SMIM14: variants seen among roughly 807,000 people sequenced by gnomAD.
The protein encoded by SMIM14 is small integral membrane protein 14.
SMIM14 carries 5 observed loss-of-function variants against 12.6 expected under a neutral mutation model. That is an observed-to-expected ratio of 0.40 (90% CI 0.21 to 0.83). The LOEUF is 0.83. Among genes scored for constraint, SMIM14 ranks in the 40% least tolerant of loss-of-function variants. The pLI is 0.37. For synonymous variants in SMIM14, 30 were observed against 40.1 expected (o/e 0.75, Z 0.95); for missense variants, 86 against 119.1 (o/e 0.72, Z 1.29).
At chr4:39,611,027 C>T (rs923613175) in intron 1 of SMIM14, among the ~76,000 whole-genome samples, 21 of 152,080 alleles carry the variant, frequency 1.4e-4, no homozygotes, top group Non-Finnish European at 2.6e-4. Context: ...ACTTGAAAAA[C>T]CATGTGCAAT....
At chr4:39,616,686 T>A (rs994332017) in intron 1 of SMIM14, among the ~76,000 whole-genome samples, 3 of 149,692 alleles carry the variant, frequency 2.0e-5, no homozygotes, top group African/African-American at 7.3e-5. Flanking sequence ...AAAAGCAGGA[T>A]TCTAAGGACC....
chr4:39,572,004 G>A (rs781244234), intron 3 of SMIM14, among the ~76,000 whole-genome samples: 2 of 151,724 alleles, frequency 1.3e-5, no homozygotes, highest in Non-Finnish European at 2.9e-5. Context: ...GGGTTTCCCC[G>A]TGTTGCCCAG....
intron 2 of SMIM14, among the ~76,000 whole-genome samples, chr4:39,599,030 A>C (rs1714490897): frequency 6.6e-6 from 1 of 152,192 alleles, no homozygotes; most frequent in Non-Finnish European, 1.5e-5. Flanking sequence ...TCGGTGAAAA[A>C]TAGCTCATCC....
rs1054905933 is a variant in SMIM14 at position 39,638,822 on chromosome 4, G to A, written c.-119C>T. The A allele has an allele frequency of 1.0e-6, 1 of 985,848 alleles. No homozygotes were observed. Among genetic ancestry groups the A allele is most frequent in the Non-Finnish European group, 1.2e-6 (1 of 830,356 alleles). The allele number at this position is 985,848 out of a possible 1,614,324, so 61.1% of individuals were successfully genotyped here. A position where few individuals can be genotyped will look rare whatever the true frequency, so the allele number is the denominator to read the frequency against. Reference sequence around the variant, plus strand: ...GAAAGACCGCCTGGAGCTTCCAGAAGGCTGCGGCTGCTCCGGACGCTGCTG... The same window carrying A: ...GAAAGACCGCCTGGAGCTTCCAGAAAGCTGCGGCTGCTCCGGACGCTGCTG... On this transcript the variant is annotated 5_prime_UTR_variant, in exon 1 of 5. Transcript: ENST00000295958.
At chr4:39,610,715 G>A (rs557028703) in intron 1 of SMIM14, among the ~76,000 whole-genome samples, 10 of 150,734 alleles carry the variant, frequency 6.6e-5, no homozygotes, top group African/African-American at 9.7e-5. Context: ...AAAAAAAACT[G>A]AAAGAACATA....
rs904662705 is a variant in SMIM14 at position 39,573,646 on chromosome 4, G to T, written c.76-1183C>A. On this transcript the variant is annotated intron_variant, in intron 2 of 4. Transcript: ENST00000295958. ...AGTGCTAAACTGTAGAGAACTAGAA[G>T]AGTAAACCTTTGTTAAAGAGATTTT... is the stretch of plus-strand genomic sequence containing the variant. 3.3e-5 allele frequency among the ~76,000 whole-genome samples: 5 copies of T among 152,052 alleles called. No homozygotes were observed. The East Asian group carries it at 9.6e-4, about 29-fold the overall frequency.
chr4:39,588,304 G>A (rs1713889464), intron 2 of SMIM14, among the ~76,000 whole-genome samples: 1 of 152,204 alleles, frequency 6.6e-6, no homozygotes, highest in South Asian at 2.1e-4. Context: ...CACTTTGGGA[G>A]GTCAAGAAGG....
chr4:39,578,642 C>T (rs1403158637), intron 2 of SMIM14, among the ~76,000 whole-genome samples: 2 of 152,064 alleles, frequency 1.3e-5, no homozygotes, highest in Non-Finnish European at 2.9e-5. Flanking sequence ...AAGTAGAGTT[C>T]GATCTCCCCA....
At chr4:39,626,940 C>A (rs979482733) in intron 1 of SMIM14, among the ~76,000 whole-genome samples, 5 of 152,144 alleles carry the variant, frequency 3.3e-5, no homozygotes, top group African/African-American at 1.2e-4. Context: ...GTGCCTTAGT[C>A]TATTGGGATG....
intron 2 of SMIM14, among the ~76,000 whole-genome samples, chr4:39,592,174 T>C (rs1714137985): frequency 6.6e-6 from 1 of 151,688 alleles, no homozygotes; most frequent in African/African-American, 2.4e-5. Context: ...GCCTAGATGA[T>C]ACAATGAGAC....
chr4:39,579,410 CA>C (rs11300565), intron 2 of SMIM14, among the ~76,000 whole-genome samples: 65,171 of 101,978 alleles, frequency 0.64, 17,118 homozygotes, highest in Middle Eastern at 0.78. Flanking sequence ...ACAGTGCCTC[CA>C]AAAAAAAAAA....
chr4:39,609,808 T>C (rs956418), intron 1 of SMIM14, among the ~76,000 whole-genome samples: 2,780 of 152,240 alleles, frequency 0.018, 104 homozygotes, highest in African/African-American at 0.062. Flanking sequence ...CCACAGTAGG[T>C]AGAGGGAACC....
intron 2 of SMIM14, among the ~76,000 whole-genome samples, chr4:39,590,731 G>A (rs1052893047): frequency 9.9e-5 from 15 of 151,774 alleles, no homozygotes; most frequent in African/African-American, 3.6e-4. Context: ...GAACCCAGGA[G>A]GCGTAGGTTG....
rs1285580495 is a variant in SMIM14, at chr4:39,547,211, G to T, written c.*4915C>A. 6.6e-6 allele frequency: 1 copy of T among 152,138 alleles called. No individual in the cohort carries two copies. Among genetic ancestry groups the T allele is most frequent in the East Asian group, 1.9e-4 (1 of 5,202 alleles). The allele number at this position is 152,138 out of a possible 1,614,324, so 9.4% of individuals were successfully genotyped here. On this transcript the variant is annotated 3_prime_UTR_variant, in exon 5 of 5. Coordinates refer to ENST00000295958, the MANE Select transcript of SMIM14 (RefSeq NM_174921.3). ...AATGTCTTTAGTTAGGTCTTACAAAGAAACTGTTTAATACACAATGTTAAC... is the reference window on the plus strand; with the variant it reads ...AATGTCTTTAGTTAGGTCTTACAAATAAACTGTTTAATACACAATGTTAAC...
chr4:39,590,190 G>A (rs891273549), intron 2 of SMIM14, among the ~76,000 whole-genome samples: 2 of 151,964 alleles, frequency 1.3e-5, no homozygotes, highest in Non-Finnish European at 2.9e-5. Context: ...AAGGCAGGTG[G>A]ATCACCTGAG....
At chr4:39,624,901 T>C (rs1008157530) in intron 1 of SMIM14, among the ~76,000 whole-genome samples, 7 of 150,184 alleles carry the variant, frequency 4.7e-5, no homozygotes, top group Non-Finnish European at 8.9e-5. Context: ...TGATGGGAAG[T>C]AGGCAAGAAA....
chr4:39,574,309 A>G (rs990614215), intron 2 of SMIM14, among the ~76,000 whole-genome samples: 4 of 145,420 alleles, frequency 2.8e-5, no homozygotes, highest in East Asian at 4.2e-4. Flanking sequence ...GCTGGAGTGC[A>G]GTGGCGCAAT....
chr4:39,575,791 T>G (rs1377738752), intron 2 of SMIM14, among the ~76,000 whole-genome samples: 4 of 145,928 alleles, frequency 2.7e-5, no homozygotes, highest in Admixed American at 2.7e-4. Flanking sequence ...GATGGGGTTT[T>G]GCTATGTTAC....
At chr4:39,628,002 G>C (rs1051396755) in intron 1 of SMIM14, among the ~76,000 whole-genome samples, 8 of 152,156 alleles carry the variant, frequency 5.3e-5, no homozygotes, top group Non-Finnish European at 8.8e-5. Context: ...GTCATGGAGA[G>C]AAAATTTTTT....
Sources: allele counts gnomAD v4.1 joint callset (sites outside exome capture counted in the v4.1 genomes callset), GRCh38; gene constraint gnomAD v4.1.1; transcripts MANE v1.5; gene names NCBI Gene and HGNC (gene_info 2026-07-23, HGNC 2026-07-21).